Variants in NSMAF observed in about 807,000 individuals in gnomAD.
NSMAF encodes neutral sphingomyelinase activation associated factor.
Under a neutral mutation model 134.9 loss-of-function variants are expected in NSMAF, and 90 were observed. That is an observed-to-expected ratio of 0.67 (90% confidence interval 0.56 to 0.79). The LOEUF is 0.79. Ranked by LOEUF, NSMAF falls within the 30% of genes least tolerant of loss-of-function variation. NSMAF has a pLI of 0.00. For missense variants in NSMAF, 1,010 were observed against 1,119.0 expected (o/e 0.90, Z 1.39); for synonymous variants, 358 against 389.6 (o/e 0.92, Z 0.96).
chr8:58,592,718 T>C (rs1806045036), intron 23 of NSMAF, among the ~76,000 whole-genome samples: 1 of 152,028 alleles, frequency 6.6e-6, no homozygotes, highest in South Asian at 2.1e-4. Context: ...TAAAACCCCA[T>C]CTCTACAAAT....
At chr8:58,640,041 G>T (rs529723805) in intron 2 of NSMAF, 17 of 455,240 alleles carry the variant, frequency 3.7e-5, no homozygotes, top group East Asian at 2.8e-4. Context: ...AATTAAAGGG[G>T]GTGGAAGAAA....
At position 58,659,244 on chromosome 8, in the gene NSMAF, C is replaced by T. The variant is rs1428086721; in HGVS notation, c.59+329G>A. 1.4e-5 allele frequency: 21 copies of T among 1,503,818 alleles called. No homozygotes were observed. In the East Asian group the frequency reaches 4.9e-4, roughly 35 times the overall value. 93.2% of individuals were successfully genotyped at this position (1,503,818 alleles called of 1,614,324 possible). A position where few individuals can be genotyped will look rare whatever the true frequency, so the allele number is the denominator to read the frequency against. On this transcript the variant is annotated intron_variant, in intron 1 of 30. Transcript: ENST00000038176. ...GCGTGCCGGGATCCACGCCCGGACC[C>T]CGCGCGGCCTTCCGGGTGAGCTGCC...
rs1806849204 is a variant in NSMAF at position 58,623,795 on chromosome 8, A to G, written c.385-15T>C. On this transcript the variant is annotated splice_polypyrimidine_tract_variant and intron_variant, in intron 6 of 30. Transcript: ENST00000038176. The stretch of plus-strand genomic sequence containing the variant: ...TCCATTTTGCCCTAACAAAAAGGGG[A>G]AGATATCAAAATACAGGAAGAGAAG... 8 of 1,600,628 alleles carry G rather than the reference A, an allele frequency of 5.0e-6. No homozygotes were observed. The East Asian group carries it at 1.8e-4, about 36-fold the overall frequency.
intron 2 of NSMAF, among the ~76,000 whole-genome samples, chr8:58,639,297 A>AAAG (rs57204135): frequency 0.016 from 2,326 of 147,380 alleles, 56 homozygotes; most frequent in African/African-American, 0.054. Flanking sequence ...AAAAAAAAAA[A>AAAG]AAGAAGAAGA....
intron 12 of NSMAF, among the ~76,000 whole-genome samples, chr8:58,605,405 T>A (rs1013355600): frequency 1.3e-5 from 2 of 152,194 alleles, no homozygotes; most frequent in African/African-American, 2.4e-5. Context: ...ATATAAGACC[T>A]GACTGAACAT....
chr8:58,592,407 C>T (rs1806039189), intron 23 of NSMAF, among the ~76,000 whole-genome samples: 1 of 152,124 alleles, frequency 6.6e-6, no homozygotes, highest in South Asian at 2.1e-4. Context: ...TTAAAGACTG[C>T]AGTAAAAGCT....
At chr8:58,601,803 A>G (rs1806288873) in intron 14 of NSMAF, among the ~76,000 whole-genome samples, 1 of 152,158 alleles carries the variant, frequency 6.6e-6, no homozygotes, top group Non-Finnish European at 1.5e-5. Context: ...CTCTTATGCG[A>G]TTTACCACAG....
At chr8:58,610,715 G>A (rs1806509809) in intron 9 of NSMAF, among the ~76,000 whole-genome samples, 2 of 152,194 alleles carry the variant, frequency 1.3e-5, no homozygotes. Flanking sequence ...AGCCAGAGTT[G>A]AGACTGGAGA....
intron 20 of NSMAF, 27 bp downstream of exon 20, chr8:58,597,833 A>G (rs777459397): frequency 1.3e-6 from 2 of 1,485,482 alleles, no homozygotes; most frequent in South Asian, 2.3e-5. Context: ...TAACTCAAGT[A>G]GAAACTCCTT....
chr8:58,642,879 C>A, intron 2 of NSMAF, 105 bp downstream of exon 2: 1 of 794,594 alleles, frequency 1.3e-6, no homozygotes, highest in Non-Finnish European at 2.1e-6. Flanking sequence ...TTTTTTAAAG[C>A]CTAATTTTTT....
intron 6 of NSMAF, among the ~76,000 whole-genome samples, chr8:58,629,411 CTT>C (rs1163711894): frequency 1.2e-5 from 1 of 86,810 alleles, no homozygotes; most frequent in Non-Finnish European, 3.1e-5. Flanking sequence ...TTAATATTCT[CTT>C]TGTTAAAATT....
intron 20 of NSMAF, 54 bp from the exon 21 acceptor site, chr8:58,597,604 A>C: frequency 6.5e-7 from 1 of 1,542,330 alleles, no homozygotes; most frequent in East Asian, 2.2e-5. Flanking sequence ...AGTTCCTTGA[A>C]AGCACGCATT....
chr8:58,593,235 G>T (rs1454400284), intron 23 of NSMAF, among the ~76,000 whole-genome samples: 1 of 152,208 alleles, frequency 6.6e-6, no homozygotes, highest in Non-Finnish European at 1.5e-5. Context: ...CCCAGTTTGG[G>T]AACTGCACAT....
chr8:58,583,617 T>TTA lies in NSMAF; in HGVS notation c.*487_*488dup, dbSNP rs1805818157. Reference sequence around the variant, plus strand: ...GAACTGCTAATCCTTCTCCAGGTTCTTAGAATCTGGGTACAGCATTATAGA... The same window carrying TTA: ...GAACTGCTAATCCTTCTCCAGGTTCTTATAGAATCTGGGTACAGCATTATAGA... On this transcript the variant is annotated 3_prime_UTR_variant, in exon 31 of 31. Coordinates refer to ENST00000038176, the MANE Select transcript of NSMAF (RefSeq NM_003580.4). 6.1e-6 allele frequency: 1 copy of TTA among 164,038 alleles called. No homozygotes were observed. The highest frequency in any genetic ancestry group is 2.4e-5 in the African/African-American group (1 of 41,526). 10.2% of individuals were successfully genotyped at this position (164,038 alleles called of 1,614,324 possible). A position where few individuals can be genotyped will look rare whatever the true frequency, so the allele number is the denominator to read the frequency against.
chr8:58,603,656 C>T (rs760282038), intron 12 of NSMAF, among the ~76,000 whole-genome samples: 22 of 152,064 alleles, frequency 1.4e-4, no homozygotes, highest in East Asian at 9.6e-4. Flanking sequence ...AAAAGTGTAG[C>T]GCAAATATAT....
intron 5 of NSMAF, among the ~76,000 whole-genome samples, chr8:58,632,219 T>TAC (rs1585754047): frequency 6.6e-6 from 1 of 151,944 alleles, no homozygotes; most frequent in African/African-American, 2.4e-5. Context: ...CTCTCCCTTT[T>TAC]ACACACACAC....
At position 58,622,446 on chromosome 8, in the gene NSMAF, T is replaced by C. The variant is rs570612824; in HGVS notation, c.557+774A>G. Among the ~76,000 whole-genome samples, 7 of 151,590 alleles carry C rather than the reference T, an allele frequency of 4.6e-5. 1 individual carries two copies. The East Asian group carries it at 1.4e-3, about 30-fold the overall frequency. On this transcript the variant is annotated intron_variant, in intron 9 of 30. Transcript: ENST00000038176. ...TCTCGCACTGTCACCCGAGCTGGAGTGCAGTGGCATGATCTTAGCTCACTG... is the reference window on the plus strand; with the variant it reads ...TCTCGCACTGTCACCCGAGCTGGAGCGCAGTGGCATGATCTTAGCTCACTG...
chr8:58,646,993 T>C (rs79799797), intron 1 of NSMAF, among the ~76,000 whole-genome samples: 4,124 of 152,312 alleles, frequency 0.027, 204 homozygotes, highest in African/African-American at 0.093. Flanking sequence ...AACACTTAAC[T>C]AGAACTTAAA....
rs527615471 is a variant in NSMAF, at chr8:58,643,159, A to C, written c.60-86T>G. 5 of 967,886 alleles carry C rather than the reference A, an allele frequency of 5.2e-6. No homozygotes were observed. In the East Asian group the frequency reaches 9.7e-5, roughly 19 times the overall value. 60.0% of individuals were successfully genotyped at this position (967,886 alleles called of 1,614,324 possible). The stretch of plus-strand genomic sequence containing the variant: ...ATATTTAAAACGTCTGATCCCAAAA[A>C]GCTTTTCCATTCTTGAATTTAACAA... On this transcript the variant is annotated intron_variant, in intron 1 of 30. Transcript: ENST00000038176.
Sources: gnomAD v4.1 joint callset for allele counts (sites outside exome capture counted in the v4.1 genomes callset) on GRCh38, gnomAD v4.1.1 for gene constraint, MANE v1.5 for transcripts, NCBI Gene and HGNC (gene_info 2026-07-23, HGNC 2026-07-21) for gene names.